CHRDL1: variants seen among roughly 807,000 people sequenced by gnomAD.
CHRDL1 encodes the protein chordin-like protein 1.
CHRDL1 carries 19 observed loss-of-function variants against 40.9 expected under a neutral mutation model. The observed-to-expected ratio is 0.46, with a 90% CI of 0.32 to 0.68. The LOEUF is 0.68. CHRDL1 is among the 30% of genes least tolerant of loss of function. The probability of loss-of-function intolerance (pLI) is 0.03; values close to 1 mark genes in which losing one functional copy is unlikely to be tolerated. For missense variants in CHRDL1, 329 were observed against 352.1 expected (o/e 0.93, Z 0.53); for synonymous variants, 136 against 123.4 (o/e 1.10, Z -0.68).
At chrX:110,762,487 T>A (rs2089582260) in intron 3 of CHRDL1, among the ~76,000 whole-genome samples, 1 of 111,599 alleles carries the variant, frequency 9.0e-6, no homozygotes, top group Non-Finnish European at 1.9e-5. Context: ...ATGTTACCCA[T>A]GCTGGTCTAG....
intron 2 of CHRDL1, among the ~76,000 whole-genome samples, chrX:110,773,723 C>CAAA (rs1171179610): frequency 1.7e-4 from 6 of 35,336 alleles, no homozygotes; most frequent in African/African-American, 2.9e-4. Flanking sequence ...GAGACTGCCT[C>CAAA]AAAAAAAAAA....
chrX:110,774,250 C>A (rs966849979), intron 2 of CHRDL1, among the ~76,000 whole-genome samples: 4 of 111,621 alleles, frequency 3.6e-5, no homozygotes, highest in African/African-American at 1.3e-4. Context: ...TACTTTTAAC[C>A]CATCTGTGTC....
At chrX:110,706,474 G>A (rs1250837929) in intron 6 of CHRDL1, among the ~76,000 whole-genome samples, 1 of 111,833 alleles carries the variant, frequency 8.9e-6, no homozygotes, top group East Asian at 2.8e-4. Context: ...AAGCTGTAAT[G>A]GGTTGGCTTT....
intron 7 of CHRDL1, among the ~76,000 whole-genome samples, chrX:110,696,541 A>C (rs2070388645): frequency 9.0e-6 from 1 of 110,859 alleles, no homozygotes; most frequent in African/African-American, 3.3e-5. Context: ...GAAGGAGAAG[A>C]AGGAGAAAGT....
At chrX:110,684,971 A>G (rs754421190) in intron 9 of CHRDL1, among the ~76,000 whole-genome samples, 44 of 112,303 alleles carry the variant, frequency 3.9e-4, no homozygotes, top group African/African-American at 1.4e-3. Context: ...AGAGTGGGAA[A>G]GTGGGAAAAG....
intron 6 of CHRDL1, among the ~76,000 whole-genome samples, chrX:110,701,355 G>A (rs2070509381): frequency 8.9e-6 from 1 of 111,801 alleles, no homozygotes; most frequent in Admixed American, 9.5e-5. Context: ...AATGGGAAGA[G>A]CCTTGTCTTA....
At chrX:110,721,300 G>T in intron 5 of CHRDL1, 85 bp downstream of exon 5, 2 of 911,182 alleles carry the variant, frequency 2.2e-6, no homozygotes, top group Non-Finnish European at 3.2e-6. Context: ...ACCTTACAGT[G>T]CAGGCACAAA....
chrX:110,741,731 T>C (rs2071363902), intron 4 of CHRDL1, among the ~76,000 whole-genome samples: 2 of 111,986 alleles, frequency 1.8e-5, no homozygotes, highest in African/African-American at 3.3e-5. Context: ...ATGACTACAC[T>C]TGGGCTTAAG....
At chrX:110,689,072 GTATATATA>G (rs758293619) in intron 8 of CHRDL1, among the ~76,000 whole-genome samples, 1,079 of 31,052 alleles carry the variant, frequency 0.035, 15 homozygotes, top group Middle Eastern at 0.07. Context: ...ATATATATAT[GTATATATA>G]TATATATATA....
At chrX:110,676,561 T>C (rs1191366097) in intron 11 of CHRDL1, among the ~76,000 whole-genome samples, 200 bp from the exon 12 acceptor site, 3 of 111,527 alleles carry the variant, frequency 2.7e-5, no homozygotes, top group Non-Finnish European at 5.7e-5. Context: ...GGAAATGAAG[T>C]TTTCATTTCA....
intron 6 of CHRDL1, among the ~76,000 whole-genome samples, chrX:110,704,304 A>G (rs1165573808): frequency 8.9e-6 from 1 of 111,748 alleles, no homozygotes; most frequent in Non-Finnish European, 1.9e-5. Flanking sequence ...GTAAAAAGTA[A>G]ACAGTAAAAA....
chrX:110,771,212 T>C (rs926539998), intron 2 of CHRDL1, among the ~76,000 whole-genome samples: 2 of 111,265 alleles, frequency 1.8e-5, no homozygotes, highest in Non-Finnish European at 3.8e-5. Context: ...AAATTGTAGT[T>C]GAAAACTTTC....
In CHRDL1 at chrX:110,792,220, T is replaced by C. The variant is rs2090113836; in HGVS notation, c.-34-5A>G. 2 of 859,594 alleles carry C rather than the reference T, an allele frequency of 2.3e-6. No individual in the cohort carries two copies. Among genetic ancestry groups the C allele is most frequent in the Non-Finnish European group, 3.4e-6 (2 of 591,651 alleles). 70.8% of individuals were successfully genotyped at this position (859,594 alleles called of 1,213,427 possible). On this transcript the variant is annotated splice_region_variant and splice_polypyrimidine_tract_variant and intron_variant, in intron 1 of 11. Coordinates refer to ENST00000372042, the MANE Select transcript of CHRDL1 (RefSeq NM_001143981.2). ...AAAGGTGACAGAACCTTCAAGCTGT[T>C]GGGAAGAAAGCAGAAAAAAGACTTA...
At chrX:110,735,569 G>A (rs2071248138) in intron 4 of CHRDL1, among the ~76,000 whole-genome samples, 1 of 111,796 alleles carries the variant, frequency 8.9e-6, no homozygotes. Flanking sequence ...GACCTAACAC[G>A]TTACTCCTAG....
chrX:110,754,820 T>C (rs1415455983), intron 4 of CHRDL1, among the ~76,000 whole-genome samples: 1 of 110,838 alleles, frequency 9.0e-6, no homozygotes, highest in Non-Finnish European at 1.9e-5. Context: ...AAAACCCAAA[T>C]TTATTAATTC....
At chrX:110,683,778 T>C (rs1425506426) in intron 9 of CHRDL1, among the ~76,000 whole-genome samples, 2 of 111,499 alleles carry the variant, frequency 1.8e-5, no homozygotes, top group Non-Finnish European at 1.9e-5. Context: ...GCACAGGGGA[T>C]AGAGGCCTTG....
chrX:110,702,077 T>C (rs2070524658), intron 6 of CHRDL1, among the ~76,000 whole-genome samples: 2 of 111,481 alleles, frequency 1.8e-5, no homozygotes, highest in African/African-American at 3.3e-5. Context: ...AACACCACTT[T>C]GATTGTATAA....
chrX:110,704,366 T>A (rs984912632), intron 6 of CHRDL1, among the ~76,000 whole-genome samples: 2 of 112,025 alleles, frequency 1.8e-5, no homozygotes, highest in African/African-American at 6.5e-5. Context: ...CATTTGATTA[T>A]GTTGCCAATT....
chrX:110,742,184 T>C (rs2071373517), intron 4 of CHRDL1, among the ~76,000 whole-genome samples: 1 of 112,246 alleles, frequency 8.9e-6, no homozygotes, highest in Admixed American at 9.4e-5. Flanking sequence ...CCCTGAAGCA[T>C]CTTTAGTTCT....
Sources: allele counts gnomAD v4.1 joint callset (sites outside exome capture counted in the v4.1 genomes callset), GRCh38; gene constraint gnomAD v4.1.1; transcripts MANE v1.5; gene names NCBI Gene and HGNC (gene_info 2026-07-23, HGNC 2026-07-21).